CREB1: variants seen among roughly 807,000 people sequenced by gnomAD.
The protein encoded by CREB1 is cAMP responsive element binding protein 1, also known as cyclic AMP-responsive element-binding protein 1.
CREB1 carries 2 observed loss-of-function variants against 42.0 expected under a neutral mutation model. The observed-to-expected ratio is 0.05, with a 90% CI of 0.02 to 0.15. The LOEUF (loss-of-function observed/expected upper bound fraction) is 0.15. Among genes scored for constraint, CREB1 ranks in the 10% least tolerant of loss-of-function variants. The pLI, the probability that CREB1 is intolerant of heterozygous loss-of-function variation, is 1.00. For missense variants in CREB1, 199 were observed against 388.9 expected (o/e 0.51, Z 4.11); for synonymous variants, 123 against 139.9 (o/e 0.88, Z 0.85).
At chr2:207,535,084 C>T (rs2080814398) in intron 1 of CREB1, among the ~76,000 whole-genome samples, 1 of 152,092 alleles carries the variant, frequency 6.6e-6, no homozygotes, top group African/African-American at 2.4e-5. Context: ...CTTATATTAC[C>T]TTTTAAACTA....
At chr2:207,548,516 T>G (rs1280811655) in intron 1 of CREB1, among the ~76,000 whole-genome samples, 1 of 152,120 alleles carries the variant, frequency 6.6e-6, no homozygotes, top group Non-Finnish European at 1.5e-5. Flanking sequence ...TTTGGGAGGC[T>G]GATGCGGGTA....
chr2:207,553,281 C>CTGG (rs370828301), intron 1 of CREB1, among the ~76,000 whole-genome samples: 3 of 151,946 alleles, frequency 2.0e-5, no homozygotes, highest in African/African-American at 7.2e-5. Context: ...GTTGACCAGG[C>CTGG]TGGTCTTGAA....
intron 5 of CREB1, among the ~76,000 whole-genome samples, chr2:207,572,442 A>G (rs1010710737): frequency 6.6e-6 from 1 of 152,226 alleles, no homozygotes; most frequent in East Asian, 1.9e-4. Context: ...TATGGTTGTC[A>G]GAATTCACCA....
chr2:207,552,436 C>T lies in CREB1; in HGVS notation c.-8-3192C>T, dbSNP rs555315976. On this transcript the variant is annotated intron_variant, in intron 1 of 7. Coordinates refer to ENST00000353267, the MANE Select transcript of CREB1 (RefSeq NM_004379.5). ...TTAATCAAATGGTAGGGTAAAACTA[C>T]GCATACCAGATGACAGCATAGCTTT... is the stretch of plus-strand genomic sequence containing the variant. Among the ~76,000 whole-genome samples the T allele has an allele frequency of 4.6e-5, 7 of 151,988 alleles. No homozygotes were observed. In the East Asian group the frequency reaches 7.7e-4, roughly 17 times the overall value.
intron 7 of CREB1, among the ~76,000 whole-genome samples, chr2:207,590,376 G>A (rs961415368): frequency 2.6e-5 from 4 of 151,202 alleles, no homozygotes; most frequent in African/African-American, 7.3e-5. Context: ...TCTGGCTAAA[G>A]GTTTATCAAT....
At chr2:207,579,298 C>T (rs1419868510) in intron 7 of CREB1, among the ~76,000 whole-genome samples, 1 of 151,048 alleles carries the variant, frequency 6.6e-6, no homozygotes. Flanking sequence ...CAAGAAGTCT[C>T]AAGCACAGGC....
intron 2 of CREB1, among the ~76,000 whole-genome samples, chr2:207,556,007 G>A (rs2081705457): frequency 6.6e-6 from 1 of 152,010 alleles, no homozygotes; most frequent in Non-Finnish European, 1.5e-5. Flanking sequence ...AAACTTATGG[G>A]TAAATGGTGC....
At chr2:207,583,771 G>A (rs1237881330) in intron 7 of CREB1, among the ~76,000 whole-genome samples, 1 of 152,116 alleles carries the variant, frequency 6.6e-6, no homozygotes, top group Non-Finnish European at 1.5e-5. Context: ...AATGCCATAT[G>A]GAACAATTAT....
chr2:207,565,314 G>A (rs2082100239), intron 3 of CREB1, among the ~76,000 whole-genome samples: 1 of 152,118 alleles, frequency 6.6e-6, no homozygotes, highest in Non-Finnish European at 1.5e-5. Flanking sequence ...GGACTCCATA[G>A]GAATTAGCTT....
chr2:207,572,481 TTTTG>T, intron 5 of CREB1, among the ~76,000 whole-genome samples: 2 of 152,324 alleles, frequency 1.3e-5, no homozygotes, highest in East Asian at 3.9e-4. Flanking sequence ...TAGTTATATA[TTTTG>T]TTTAATAGCT....
chr2:207,592,280 G>A (rs185912018), intron 7 of CREB1, among the ~76,000 whole-genome samples: 124 of 152,082 alleles, frequency 8.2e-4, no homozygotes, highest in African/African-American at 2.9e-3. Context: ...GGTGGCACAC[G>A]CCTGTAGTCC....
intron 2 of CREB1, among the ~76,000 whole-genome samples, chr2:207,559,993 T>C (rs1327728955): frequency 6.6e-6 from 1 of 152,208 alleles, no homozygotes; most frequent in African/African-American, 2.4e-5. Context: ...GGGAATAGTT[T>C]TTAATTTTTT....
chr2:207,541,395 T>G (rs1481988664), intron 1 of CREB1, among the ~76,000 whole-genome samples: 1 of 152,188 alleles, frequency 6.6e-6, no homozygotes, highest in South Asian at 2.1e-4. Flanking sequence ...CTTTTATATT[T>G]TATATCTTTT....
Position 207,555,590 on chromosome 2 carries a change from C to G in CREB1, c.-8-38C>G, listed in dbSNP as rs1451218044. On this transcript the variant is annotated intron_variant, in intron 1 of 7. Coordinates refer to ENST00000353267, the MANE Select transcript of CREB1 (RefSeq NM_004379.5). The stretch of plus-strand genomic sequence containing the variant: ...CCTTTAAAGTCACGAAAGCACAAAG[C>G]ACTGTGGTGCTTGTAACACTCTTCC... 3 of 1,332,976 alleles carry G rather than the reference C, an allele frequency of 2.3e-6. No homozygotes were observed. In the East Asian group the frequency reaches 7.1e-5, roughly 32 times the overall value. 82.6% of individuals were successfully genotyped at this position (1,332,976 alleles called of 1,614,324 possible).
intron 1 of CREB1, among the ~76,000 whole-genome samples, chr2:207,552,849 C>T (rs1043246186): frequency 6.6e-6 from 1 of 152,086 alleles, no homozygotes; most frequent in Non-Finnish European, 1.5e-5. Context: ...CTCCTGATCT[C>T]AGGTGATCCA....
chr2:207,588,128 C>A (rs1404742943), intron 7 of CREB1, among the ~76,000 whole-genome samples: 1 of 23,978 alleles, frequency 4.2e-5, no homozygotes, highest in African/African-American at 8.6e-5. Context: ...AAATCAATAT[C>A]ACACAGACTT....
At chr2:207,550,834 C>T (rs1474027702) in intron 1 of CREB1, among the ~76,000 whole-genome samples, 1 of 152,222 alleles carries the variant, frequency 6.6e-6, no homozygotes, top group Admixed American at 6.5e-5. Context: ...CAGCCTTGTA[C>T]TGAGAACCTC....
intron 7 of CREB1, among the ~76,000 whole-genome samples, chr2:207,589,916 C>T (rs997192707): frequency 2.6e-5 from 4 of 151,892 alleles, no homozygotes; most frequent in South Asian, 2.1e-4. Context: ...GTTTCTTTGC[C>T]GTGAGTTTGT....
chr2:207,571,452 T>G (rs1313603332), intron 5 of CREB1, among the ~76,000 whole-genome samples: 1 of 152,224 alleles, frequency 6.6e-6, no homozygotes, highest in Non-Finnish European at 1.5e-5. Flanking sequence ...TAAAGACAAG[T>G]TCTCAAGTAG....
Sources: gnomAD v4.1 joint callset for allele counts (sites outside exome capture counted in the v4.1 genomes callset) on GRCh38, gnomAD v4.1.1 for gene constraint, MANE v1.5 for transcripts, NCBI Gene and HGNC (gene_info 2026-07-23, HGNC 2026-07-21) for gene names.